SAE1: variants seen among roughly 807,000 people sequenced by gnomAD.
SAE1 encodes the protein SUMO1 activating enzyme subunit 1, also known as SUMO-activating enzyme subunit 1.
SAE1 carries 11 observed loss-of-function variants against 40.6 expected under a neutral mutation model. The observed-to-expected ratio is 0.27, with a 90% CI of 0.17 to 0.45. SAE1 has a LOEUF of 0.45. Ranked by LOEUF, SAE1 falls within the 20% of genes least tolerant of loss-of-function variation. The probability of loss-of-function intolerance (pLI) is 1.00; values close to 1 mark genes in which losing one functional copy is unlikely to be tolerated. For synonymous variants in SAE1, 155 were observed against 154.3 expected (o/e 1.00, Z -0.03); for missense variants, 373 against 427.3 (o/e 0.87, Z 1.12).
intron 6 of SAE1, among the ~76,000 whole-genome samples, chr19:47,171,679 G>A (rs2058434445): frequency 6.6e-6 from 1 of 152,022 alleles, no homozygotes; most frequent in Admixed American, 6.6e-5. Flanking sequence ...GGCCAGGCTG[G>A]TCTCGAACTC....
At chr19:47,144,540 A>G (rs984452861) in intron 2 of SAE1, among the ~76,000 whole-genome samples, 4 of 150,550 alleles carry the variant, frequency 2.7e-5, no homozygotes, top group Admixed American at 1.3e-4. Context: ...ACTACTAAAG[A>G]CACAAAAAAT....
At chr19:47,163,895 G>C (rs1349102716) in intron 5 of SAE1, among the ~76,000 whole-genome samples, 3 of 151,658 alleles carry the variant, frequency 2.0e-5, no homozygotes, top group African/African-American at 4.8e-5. Context: ...TCAGCCTCCC[G>C]AGTAGCTGGG....
At chr19:47,178,825 A>C (rs2058486367) in intron 6 of SAE1, among the ~76,000 whole-genome samples, 1 of 152,188 alleles carries the variant, frequency 6.6e-6, no homozygotes, top group Non-Finnish European at 1.5e-5. Flanking sequence ...ACATTTGTGC[A>C]CTGAAGCAGG....
intron 1 of SAE1, 34 bp from the exon 2 acceptor site, chr19:47,143,460 C>G: frequency 6.6e-7 from 1 of 1,519,658 alleles, no homozygotes. Flanking sequence ...GCTCACTGTT[C>G]TGTATCATCA....
chr19:47,165,406 C>A (rs890228277), intron 5 of SAE1, among the ~76,000 whole-genome samples: 12 of 152,098 alleles, frequency 7.9e-5, no homozygotes, highest in African/African-American at 2.4e-4. Flanking sequence ...TTAGTCTTAA[C>A]TAGATTGTTG....
At chr19:47,196,940 T>TGG (rs2058619920) in intron 6 of SAE1, among the ~76,000 whole-genome samples, 1 of 151,720 alleles carries the variant, frequency 6.6e-6, no homozygotes, top group Non-Finnish European at 1.5e-5. Context: ...CCCAGCACTT[T>TGG]GGGAGGCCGA....
intron 4 of SAE1, among the ~76,000 whole-genome samples, 178 bp downstream of exon 4, chr19:47,153,218 T>TA (rs1055760166): frequency 3.3e-5 from 5 of 152,086 alleles, no homozygotes; most frequent in African/African-American, 1.2e-4. Context: ...GCTGGGATTA[T>TA]AGGCATGATC....
chr19:47,198,102 ATCTC>A lies in SAE1; in HGVS notation c.878+735_878+738del, dbSNP rs367829929. On this transcript the variant is annotated intron_variant, in intron 7 of 8. Coordinates refer to ENST00000270225, the MANE Select transcript of SAE1 (RefSeq NM_005500.3). ...AAGACCACATAGTGACTAGGTCACAATCTCTCTCTCTCTTTTTTTTTTTTGAGAC... is the reference window on the plus strand; with the variant it reads ...AAGACCACATAGTGACTAGGTCACAATCTCTCTCTTTTTTTTTTTTGAGAC... Among the ~76,000 whole-genome samples the A allele has an allele frequency of 2.7e-4, 41 of 149,906 alleles. No homozygotes were observed. In the South Asian group the frequency reaches 5.9e-3, roughly 22 times the overall value.
chr19:47,160,214 A>ATTTTTTT lies in SAE1; in HGVS notation c.627+5020_627+5026dup, dbSNP rs748289334. On this transcript the variant is annotated intron_variant, in intron 5 of 8. Coordinates refer to ENST00000270225, the MANE Select transcript of SAE1 (RefSeq NM_005500.3). ...AGGCCAGAGAGGTTCAAAATCCTGC[A>ATTTTTTT]TTTTTTTTTTTTTTTTTTTTTTTTT... Among the ~76,000 whole-genome samples the ATTTTTTT allele has an allele frequency of 1.1e-4, 8 of 74,590 alleles. 1 individual carries two copies. The highest frequency in any genetic ancestry group is 2.7e-4 in the African/African-American group (5 of 18,200). The allele number at this position is 74,590 out of a possible 152,430, so 48.9% of individuals were successfully genotyped here. A position where few individuals can be genotyped will look rare whatever the true frequency, so the allele number is the denominator to read the frequency against.
chr19:47,155,216 A>G lies in SAE1; in HGVS notation c.627+3A>G. 6.2e-7 allele frequency: 1 copy of G among 1,604,490 alleles called. No individual in the cohort carries two copies. Among genetic ancestry groups the G allele is most frequent in the South Asian group, 1.1e-5 (1 of 90,902 alleles). The stretch of plus-strand genomic sequence containing the variant: ...CTGAGACAACGATGGTCAAAAAGGT[A>G]TGTGTAACGTGGGGGCAGAGGTCAG... On this transcript the variant is annotated splice_donor_region_variant and intron_variant, in intron 5 of 8. Transcript: ENST00000270225.
chr19:47,152,892 C>T lies in SAE1; in HGVS notation c.385-6C>T. The T allele has an allele frequency of 6.2e-7, 1 of 1,611,090 alleles. No individual in the cohort carries two copies. The highest frequency in any genetic ancestry group is 8.5e-7 in the Non-Finnish European group (1 of 1,179,532). ...TCAAACCCAGCCAATTTCTTTCTTTCTGCAGGTGTGTCTGACTTGCTGCTC... is the reference window on the plus strand; with the variant it reads ...TCAAACCCAGCCAATTTCTTTCTTTTTGCAGGTGTGTCTGACTTGCTGCTC... On this transcript the variant is annotated splice_region_variant and splice_polypyrimidine_tract_variant and intron_variant, in intron 3 of 8. Transcript: ENST00000270225.
chr19:47,162,825 C>G (rs1600172514), intron 5 of SAE1, among the ~76,000 whole-genome samples: 1 of 152,066 alleles, frequency 6.6e-6, no homozygotes, highest in African/African-American at 2.4e-5. Flanking sequence ...AACCCCTTCT[C>G]TACCAAAAAT....
chr19:47,141,558 C>T (rs1218316464), intron 1 of SAE1, among the ~76,000 whole-genome samples: 3 of 151,824 alleles, frequency 2.0e-5, no homozygotes, highest in South Asian at 4.1e-4. Flanking sequence ...TGGAAGAGTT[C>T]GGGGAGGGGG....
intron 6 of SAE1, among the ~76,000 whole-genome samples, chr19:47,190,003 G>C (rs1378283383): frequency 6.6e-6 from 1 of 152,148 alleles, no homozygotes; most frequent in Non-Finnish European, 1.5e-5. Flanking sequence ...CATATCCACA[G>C]TTTTTTCTAT....
intron 6 of SAE1, among the ~76,000 whole-genome samples, chr19:47,196,781 C>G (rs2058619146): frequency 6.6e-6 from 1 of 152,076 alleles, no homozygotes; most frequent in Non-Finnish European, 1.5e-5. Flanking sequence ...TGATACCACC[C>G]TACAGAGGGT....
chr19:47,158,597 C>G (rs559745326), intron 5 of SAE1, among the ~76,000 whole-genome samples: 13 of 152,260 alleles, frequency 8.5e-5, no homozygotes, highest in African/African-American at 2.9e-4. Context: ...GTGCTCTGTC[C>G]GAGGAAGTAG....
At chr19:47,197,614 C>T (rs1254056596) in intron 7 of SAE1, among the ~76,000 whole-genome samples, 3 of 152,166 alleles carry the variant, frequency 2.0e-5, no homozygotes, top group Non-Finnish European at 4.4e-5. Context: ...AAATTCAAGG[C>T]AATGTAAGAT....
intron 7 of SAE1, among the ~76,000 whole-genome samples, chr19:47,202,595 C>G (rs965090072): frequency 6.6e-6 from 1 of 151,602 alleles, no homozygotes; most frequent in African/African-American, 2.4e-5. Flanking sequence ...CTAATTATAC[C>G]CGTTTAGATT....
rs148758975 is a variant in SAE1, at chr19:47,195,022, C to T, written c.734-2211C>T. Among the ~76,000 whole-genome samples the T allele has an allele frequency of 4.5e-3, 669 of 149,238 alleles. 15 individuals carry two copies. The highest frequency in any genetic ancestry group is 0.037 in the Admixed American group (551 of 14,916). ...CCTCCCAAAGTGCTGGGATTACAGA[C>T]GTTACAGACGTGAGCCACCACACCT... On this transcript the variant is annotated intron_variant, in intron 6 of 8. Transcript: ENST00000270225.
Sources: gnomAD v4.1 joint callset for allele counts (sites outside exome capture counted in the v4.1 genomes callset) on GRCh38, gnomAD v4.1.1 for gene constraint, MANE v1.5 for transcripts, NCBI Gene and HGNC (gene_info 2026-07-23, HGNC 2026-07-21) for gene names.